The following KCNK2 variants were observed in gnomAD, a reference collection of about 807,000 sequenced individuals.
KCNK2 encodes potassium two pore domain channel subfamily K member 2.
Under a neutral mutation model 40.5 loss-of-function variants are expected in KCNK2, and 21 were observed. The ratio of observed to expected loss-of-function variants is 0.52; its 90% CI spans 0.37 to 0.75. The LOEUF is 0.75. Ranked by LOEUF, KCNK2 falls within the 30% of genes least tolerant of loss-of-function variation. KCNK2 has a pLI of 0.00. For synonymous variants in KCNK2, 191 were observed against 202.2 expected, an observed-to-expected ratio of 0.94 and a Z score of 0.47; for missense variants, 399 against 531.6, an observed-to-expected ratio of 0.75 and a Z score of 2.45.
chr1:215,038,816 C>A (rs1184408940), intron 1 of KCNK2, among the ~76,000 whole-genome samples: 1 of 152,092 alleles, frequency 6.6e-6, no homozygotes, highest in African/African-American at 2.4e-5. Context: ...CCCAGCACTT[C>A]TGCTTTTTGA....
At chr1:215,034,351 ATTTTT>A (rs35287643) in intron 1 of KCNK2, among the ~76,000 whole-genome samples, 1 of 147,240 alleles carries the variant, frequency 6.8e-6, no homozygotes, top group Non-Finnish European at 1.5e-5. Flanking sequence ...TGTTGTTTTC[ATTTTT>A]TTTTTTTTGC....
chr1:215,125,714 G>A (rs1661390931), intron 3 of KCNK2, among the ~76,000 whole-genome samples: 1 of 136,774 alleles, frequency 7.3e-6, no homozygotes, highest in Admixed American at 8.2e-5. Context: ...TTGTGCACAT[G>A]TACCCTAGAA....
intron 2 of KCNK2, among the ~76,000 whole-genome samples, chr1:215,107,538 A>G (rs371605099): frequency 4.6e-5 from 7 of 152,228 alleles, no homozygotes; most frequent in African/African-American, 1.4e-4. Context: ...TGATGATGCC[A>G]TCCTAAGGGG....
intron 1 of KCNK2, among the ~76,000 whole-genome samples, chr1:215,013,628 C>T (rs1014835778): frequency 2.0e-5 from 3 of 152,062 alleles, no homozygotes; most frequent in Non-Finnish European, 2.9e-5. Context: ...CACCACCAAA[C>T]GGATTTTGCA....
At position 215,086,387 on chromosome 1, in the gene KCNK2, G is replaced by A. The variant is rs931952255; in HGVS notation, c.66G>A (p.Leu22=). The change falls in exon 2 of 7, where the codon CTG becomes CTA. Residue 22 remains leucine (L), a synonymous_variant. Coordinates refer to ENST00000444842, the MANE Select transcript of KCNK2 (RefSeq NM_001017425.3). ...YRAGVAAPDL[L]DPKSAAQNSK... Reference sequence around the variant, plus strand: ...TGTCAGTGGCGGCACCTGACTTGCTGGATCCTAAATCTGCCGCTCAGAACT... The same window carrying A: ...TGTCAGTGGCGGCACCTGACTTGCTAGATCCTAAATCTGCCGCTCAGAACT... 1 of 1,613,802 alleles carries A rather than the reference G, an allele frequency of 6.2e-7. No individual in the cohort carries two copies. Among genetic ancestry groups the A allele is most frequent in the Non-Finnish European group, 8.5e-7 (1 of 1,179,914 alleles).
chr1:215,078,713 A>T (rs1294224877), upstream of KCNK2, among the ~76,000 whole-genome samples: 1 of 152,200 alleles, frequency 6.6e-6, no homozygotes, highest in African/African-American at 2.4e-5. Context: ...GAATGGACAT[A>T]CTGAACACAT....
intron 6 of KCNK2, among the ~76,000 whole-genome samples, chr1:215,231,400 T>C (rs1471176298): frequency 1.3e-5 from 2 of 152,104 alleles, no homozygotes; most frequent in Middle Eastern, 3.2e-3. Flanking sequence ...GTAATACAGG[T>C]CTATGTCATG....
At chr1:215,197,286 G>C (rs538586969) in intron 6 of KCNK2, among the ~76,000 whole-genome samples, 2 of 152,264 alleles carry the variant, frequency 1.3e-5, no homozygotes, top group East Asian at 1.9e-4. Context: ...AAAATAGGAC[G>C]GACTGGGTGT....
chr1:215,128,988 G>A (rs1661555722), intron 3 of KCNK2, among the ~76,000 whole-genome samples: 1 of 152,192 alleles, frequency 6.6e-6, no homozygotes, highest in East Asian at 1.9e-4. Context: ...CTGACAGTTT[G>A]TCTGAGAGAG....
At chr1:215,054,227 T>G (rs756159186) in intron 1 of KCNK2, among the ~76,000 whole-genome samples, 14 of 152,230 alleles carry the variant, frequency 9.2e-5, no homozygotes, top group Non-Finnish European at 1.5e-4. Flanking sequence ...TCATGTTCTT[T>G]GGTGGAGAGG....
At chr1:215,080,059 G>A (rs1659092091), upstream of KCNK2, among the ~76,000 whole-genome samples, 1 of 152,168 alleles carries the variant, frequency 6.6e-6, no homozygotes, top group Non-Finnish European at 1.5e-5. Flanking sequence ...GGAATGTGGA[G>A]GACAACTGCT....
intron 5 of KCNK2, among the ~76,000 whole-genome samples, chr1:215,176,228 C>T (rs1326396928): frequency 6.6e-6 from 1 of 151,986 alleles, no homozygotes; most frequent in African/African-American, 2.4e-5. Flanking sequence ...TTTTGATTTT[C>T]AATTCTCTGA....
At chr1:215,192,129 A>G (rs1246403626) in intron 5 of KCNK2, among the ~76,000 whole-genome samples, 1 of 152,214 alleles carries the variant, frequency 6.6e-6, no homozygotes, top group Non-Finnish European at 1.5e-5. Flanking sequence ...AGTTATCCTG[A>G]CATCACAGAT....
intron 1 of KCNK2, among the ~76,000 whole-genome samples, chr1:215,015,498 G>A (rs765291821): frequency 6.6e-6 from 1 of 152,070 alleles, no homozygotes; most frequent in Non-Finnish European, 1.5e-5. Flanking sequence ...TCTTTGGCGG[G>A]TAACTCTTTA....
intron 6 of KCNK2, among the ~76,000 whole-genome samples, chr1:215,232,030 A>G (rs183302941): frequency 3.5e-4 from 53 of 152,318 alleles, no homozygotes; most frequent in Admixed American, 1.6e-3. Flanking sequence ...ACAATTCAAG[A>G]TAAGATTTGG....
At chr1:215,113,552 G>A (rs1660793360) in intron 2 of KCNK2, among the ~76,000 whole-genome samples, 1 of 152,176 alleles carries the variant, frequency 6.6e-6, no homozygotes, top group East Asian at 1.9e-4. Context: ...GTTTCAAATA[G>A]TTAGCTTAAA....
intron 5 of KCNK2, among the ~76,000 whole-genome samples, chr1:215,185,749 T>C (rs1349862940): frequency 6.6e-6 from 1 of 152,190 alleles, no homozygotes; most frequent in African/African-American, 2.4e-5. Context: ...TATTGGGCTA[T>C]AAATCTCATA....
chr1:215,018,353 T>TTACATC, intron 1 of KCNK2, among the ~76,000 whole-genome samples: 1 of 152,296 alleles, frequency 6.6e-6, no homozygotes, highest in South Asian at 2.1e-4. Flanking sequence ...CATCTTACAT[T>TTACATC]AGATAGTAAA....
chr1:215,189,930 A>C (rs1467951349), intron 5 of KCNK2, among the ~76,000 whole-genome samples: 1 of 152,174 alleles, frequency 6.6e-6, no homozygotes, highest in Non-Finnish European at 1.5e-5. Context: ...ATTTAAGCTA[A>C]AATACTTATA....
Sources: gnomAD v4.1 joint callset for allele counts (sites outside exome capture counted in the v4.1 genomes callset) on GRCh38, gnomAD v4.1.1 for gene constraint, MANE v1.5 for transcripts, NCBI Gene and HGNC (gene_info 2026-07-23, HGNC 2026-07-21) for gene names.